GMDS: variants seen among roughly 807,000 people sequenced by gnomAD.
GMDS encodes GDP-mannose 4,6-dehydratase.
GMDS carries 20 observed loss-of-function variants against 49.9 expected under a neutral mutation model. The ratio of observed to expected loss-of-function variants is 0.40; its 90% CI spans 0.28 to 0.58. The LOEUF (loss-of-function observed/expected upper bound fraction) is 0.58. GMDS is among the 20% of genes least tolerant of loss of function. GMDS has a pLI of 0.42. For synonymous variants in GMDS, 177 were observed against 178.6 expected (o/e 0.99, Z 0.07); for missense variants, 362 against 481.4 (o/e 0.75, Z 2.32).
At chr6:1,641,961 C>G (rs979189651) in intron 9 of GMDS, among the ~76,000 whole-genome samples, 1 of 152,012 alleles carries the variant, frequency 6.6e-6, no homozygotes, top group African/African-American at 2.4e-5. Flanking sequence ...TCTCAGAACC[C>G]CGAAGAAGGC....
chr6:2,200,831 C>CATCT (rs558374728), intron 1 of GMDS, among the ~76,000 whole-genome samples: 304 of 130,344 alleles, frequency 2.3e-3, no homozygotes, highest in Middle Eastern at 9.1e-3. Context: ...GAGATGTAAC[C>CATCT]ATCTAGGCAG....
At chr6:1,975,339 G>A (rs1165121472) in intron 4 of GMDS, among the ~76,000 whole-genome samples, 1 of 152,142 alleles carries the variant, frequency 6.6e-6, no homozygotes, top group Non-Finnish European at 1.5e-5. Context: ...GACAAATACT[G>A]TAACAAAGTG....
chr6:1,923,894 A>G (rs551667880), intron 7 of GMDS, among the ~76,000 whole-genome samples: 37 of 152,334 alleles, frequency 2.4e-4, no homozygotes, highest in African/African-American at 8.9e-4. Context: ...CAGTTCTCCC[A>G]GCTCTGTCTG....
intron 7 of GMDS, among the ~76,000 whole-genome samples, chr6:1,790,688 T>C (rs762204639): frequency 1.3e-3 from 204 of 152,344 alleles, no homozygotes; most frequent in Non-Finnish European, 2.6e-3. Context: ...TATATAATTG[T>C]ATGATTTGAA....
intron 7 of GMDS, among the ~76,000 whole-genome samples, chr6:1,804,620 T>C (rs1770090020): frequency 6.6e-6 from 1 of 152,248 alleles, no homozygotes; most frequent in African/African-American, 2.4e-5. Context: ...TGCTTTCATT[T>C]AAAATTATAG....
At chr6:1,771,470 G>A (rs1402580069) in intron 7 of GMDS, among the ~76,000 whole-genome samples, 1 of 152,242 alleles carries the variant, frequency 6.6e-6, no homozygotes, top group East Asian at 1.9e-4. Context: ...ACAAGAAAAG[G>A]AGTGTGAAGT....
chr6:2,003,430 T>TA (rs1766957400), intron 4 of GMDS, among the ~76,000 whole-genome samples: 1 of 152,134 alleles, frequency 6.6e-6, no homozygotes, highest in Non-Finnish European at 1.5e-5. Flanking sequence ...ATGACTAGTG[T>TA]AAACAATCTG....
At chr6:2,166,549 G>T (rs1260061551) in intron 1 of GMDS, among the ~76,000 whole-genome samples, 3 of 152,282 alleles carry the variant, frequency 2.0e-5, no homozygotes, top group African/African-American at 7.2e-5. Context: ...CTGAACCCTA[G>T]AACCTTATTC....
intron 7 of GMDS, among the ~76,000 whole-genome samples, chr6:1,858,362 C>T (rs1334714001): frequency 6.6e-6 from 1 of 152,086 alleles, no homozygotes; most frequent in Non-Finnish European, 1.5e-5. Flanking sequence ...ATGCTGTTAA[C>T]CTTACTTTAT....
rs921651823 is a variant in GMDS at position 1,695,968 on chromosome 6, T to C, written c.987+30448A>G. Among the ~76,000 whole-genome samples the C allele has an allele frequency of 5.4e-5, 8 of 148,236 alleles. No individual in the cohort carries two copies. In the South Asian group the frequency reaches 1.7e-3, roughly 32 times the overall value. ...TTAGCTTTGATGACAAAAACAATGC[T>C]GGAGGAGAGTGAGAGCACCAAGTTG... On this transcript the variant is annotated intron_variant, in intron 9 of 10. Transcript: ENST00000380815.
chr6:1,646,592 C>T (rs765279565), intron 9 of GMDS, among the ~76,000 whole-genome samples: 9 of 151,972 alleles, frequency 5.9e-5, no homozygotes, highest in East Asian at 1.9e-4. Flanking sequence ...CCATGTTGCC[C>T]GGGCTGGTCT....
chr6:1,873,673 A>G (rs1327279782), intron 7 of GMDS, among the ~76,000 whole-genome samples: 2 of 152,230 alleles, frequency 1.3e-5, no homozygotes, highest in Admixed American at 6.5e-5. Flanking sequence ...CCCAAATACC[A>G]TATCAGTGCA....
intron 8 of GMDS, among the ~76,000 whole-genome samples, chr6:1,727,978 T>C (rs1766652825): frequency 6.6e-6 from 1 of 152,268 alleles, no homozygotes; most frequent in African/African-American, 2.4e-5. Context: ...TTCCTTAATG[T>C]TGATTAGATC....
chr6:1,780,686 G>A (rs1389199985), intron 7 of GMDS, among the ~76,000 whole-genome samples: 1 of 152,222 alleles, frequency 6.6e-6, no homozygotes, highest in African/African-American at 2.4e-5. Context: ...GGTGCCGGCA[G>A]CATCAACACG....
rs1440703625 is a variant in GMDS at position 1,695,608 on chromosome 6, T to C, written c.987+30808A>G. On this transcript the variant is annotated intron_variant, in intron 9 of 10. Transcript: ENST00000380815. ...AGCCAGTTCTTTCTCAACATCAGCA[T>C]CAGCATGTGGCCATGACAAATGAAG... Among the ~76,000 whole-genome samples, 4 of 152,168 alleles carry C rather than the reference T, an allele frequency of 2.6e-5. No individual in the cohort carries two copies. In the East Asian group the frequency reaches 5.8e-4, roughly 22 times the overall value.
chr6:1,647,902 T>C (rs1473432338), intron 9 of GMDS, among the ~76,000 whole-genome samples: 1 of 152,190 alleles, frequency 6.6e-6, no homozygotes, highest in African/African-American at 2.4e-5. Flanking sequence ...AGTACAACGA[T>C]GCTAGCGGTC....
chr6:2,081,435 G>A (rs1272887452), intron 4 of GMDS, among the ~76,000 whole-genome samples: 2 of 151,968 alleles, frequency 1.3e-5, no homozygotes, highest in East Asian at 1.9e-4. Context: ...CTTCCCCTCC[G>A]GATTCCTCCA....
intron 4 of GMDS, among the ~76,000 whole-genome samples, chr6:2,048,019 A>G (rs1770131475): frequency 6.6e-6 from 1 of 152,182 alleles, no homozygotes; most frequent in Admixed American, 6.5e-5. Flanking sequence ...ACAGCACTAA[A>G]AAATGTATGG....
intron 6 of GMDS, among the ~76,000 whole-genome samples, chr6:1,943,315 C>T (rs1337363929): frequency 1.3e-5 from 2 of 152,250 alleles, no homozygotes; most frequent in African/African-American, 4.8e-5. Context: ...GGGGCTGTCC[C>T]TCTTCTGTGC....
Sources: gnomAD v4.1 joint callset for allele counts (sites outside exome capture counted in the v4.1 genomes callset) on GRCh38, gnomAD v4.1.1 for gene constraint, MANE v1.5 for transcripts, NCBI Gene and HGNC (gene_info 2026-07-23, HGNC 2026-07-21) for gene names.